Variants in USH1G observed in about 807,000 individuals in gnomAD.
USH1G encodes USH1 protein network component sans.
USH1G carries 27 observed loss-of-function variants against 31.9 expected under a neutral mutation model. The observed-to-expected ratio is 0.85, with a 90% CI of 0.62 to 1.17. The LOEUF (loss-of-function observed/expected upper bound fraction) is 1.17. Among genes scored for constraint, USH1G ranks in the 50% most tolerant of loss-of-function variants. The pLI, the probability that USH1G is intolerant of heterozygous loss-of-function variation, is 0.00. For missense variants in USH1G, 674 were observed against 638.9 expected (o/e 1.05, Z -0.59); for synonymous variants, 266 against 283.2 (o/e 0.94, Z 0.61).
Position 74,919,337 on chromosome 17 carries a change from A to G in USH1G, c.1382+117T>C. The G allele has an allele frequency of 7.0e-7, 1 of 1,435,514 alleles. No individual in the cohort carries two copies. The highest frequency in any genetic ancestry group is 9.2e-7 in the Non-Finnish European group (1 of 1,092,032). 88.9% of individuals were successfully genotyped at this position (1,435,514 alleles called of 1,614,324 possible). On this transcript the variant is annotated intron_variant, in intron 2 of 2. Coordinates refer to ENST00000614341, the MANE Select transcript of USH1G (RefSeq NM_173477.5). This position sits in a 1 kb window ranked among gnomAD's most constrained non-coding sequence, Gnocchi z 4.5. ...TTTTATCATCGATGGCCTCATTTCG[A>G]TTTTATGAAATACAGTATCCCCCAC...
At position 74,921,761 on chromosome 17, in the gene USH1G, C is replaced by G. The variant is rs183398026; in HGVS notation, c.165-1090G>C. ...AAGGGGAGCCCTCTTCCCCTCCTCT[C>G]ATGAGCCTCTCTGAAGGGATGGCAG... On this transcript the variant is annotated intron_variant, in intron 1 of 2. Transcript: ENST00000614341. This position sits in a 1 kb window ranked among gnomAD's most constrained non-coding sequence, Gnocchi z 4.6. 3.3e-5 allele frequency among the ~76,000 whole-genome samples: 5 copies of G among 152,320 alleles called. No individual in the cohort carries two copies. The highest frequency in any genetic ancestry group is 3.9e-4 in the East Asian group (2 of 5,174).
rs776330616 is a variant in USH1G at position 74,919,688 on chromosome 17, T to A, written c.1148A>T (p.Glu383Val). The part of the protein sequence containing the change: ...PWDELDLGLD[E>V]DLEPETSPLE... Reference sequence around the variant, plus strand: ...CGGGCTAGTCTCGGGCTCCAGGTCCTCGTCCAAGCCTAAATCGAGCTCATC... The same window carrying A: ...CGGGCTAGTCTCGGGCTCCAGGTCCACGTCCAAGCCTAAATCGAGCTCATC... Residue 383 changes from glutamate to valine, a missense_variant, in exon 2 of 3, where the codon GAG (glutamate) becomes GTG (valine). Glu to Val is a moderately radical substitution (Grantham distance 121). Transcript: ENST00000614341. The surrounding 1 kb of genome is among the most constrained non-coding windows in gnomAD (Gnocchi z 4.5). 6 of 1,612,850 alleles carry A rather than the reference T, an allele frequency of 3.7e-6. No homozygotes were observed. In the East Asian group the frequency reaches 1.3e-4, roughly 36 times the overall value.
chr17:74,920,079 C>G lies in USH1G; in HGVS notation c.757G>C (p.Val253Leu), dbSNP rs746860881. Residue 253 changes from valine to leucine, a missense_variant, in exon 2 of 3, where the codon GTG becomes CTG. Coordinates refer to ENST00000614341, the MANE Select transcript of USH1G (RefSeq NM_173477.5). This position sits in a 1 kb window ranked among gnomAD's most constrained non-coding sequence, Gnocchi z 5.2. ...TAGGTGCCCTGGCGCACGAACATCA[C>G]GTCGCTGCCCAGCTGCAGGCCCGAG... Reference protein sequence around the residue: ...SLSGLQLGSDVMFVRQGTYAN... With the variant: ...SLSGLQLGSDLMFVRQGTYAN... The G allele has an allele frequency of 6.2e-7, 1 of 1,606,214 alleles. No individual in the cohort carries two copies. The highest frequency in any genetic ancestry group is 8.5e-7 in the Non-Finnish European group (1 of 1,179,458).
Position 74,920,987 on chromosome 17 carries a change from A to G in USH1G, c.165-316T>C, listed in dbSNP as rs1479629751. 6.6e-6 allele frequency among the ~76,000 whole-genome samples: 1 copy of G among 152,088 alleles called. No homozygotes were observed. Among genetic ancestry groups the G allele is most frequent in the Non-Finnish European group, 1.5e-5 (1 of 68,002 alleles). Reference sequence around the variant, plus strand: ...GGATGAATATTTGATGCCCTGAGAGAAGGGAGTAAATTATTGATGGGGCCC... The same window carrying G: ...GGATGAATATTTGATGCCCTGAGAGGAGGGAGTAAATTATTGATGGGGCCC... On this transcript the variant is annotated intron_variant, in intron 1 of 2. Coordinates refer to ENST00000614341, the MANE Select transcript of USH1G (RefSeq NM_173477.5). The surrounding 1 kb of genome is among the most constrained non-coding windows in gnomAD (Gnocchi z 5.2).
chr17:74,918,182 G>A lies in USH1G; in HGVS notation c.1383-106C>T, dbSNP rs1371374167. The A allele has an allele frequency of 6.7e-7, 1 of 1,502,348 alleles. No homozygotes were observed. Among genetic ancestry groups the A allele is most frequent in the Non-Finnish European group, 9.1e-7 (1 of 1,095,920 alleles). The allele number at this position is 1,502,348 out of a possible 1,614,324, so 93.1% of individuals were successfully genotyped here. On this transcript the variant is annotated intron_variant, in intron 2 of 2. Coordinates refer to ENST00000614341, the MANE Select transcript of USH1G (RefSeq NM_173477.5). The surrounding 1 kb of genome is among the most constrained non-coding windows in gnomAD (Gnocchi z 4.1). Reference sequence around the variant, plus strand: ...GACAACTTAGCCTCCCCATCTCTCGGCAGGCCAATTGTCAGGGATGGGGGA... The same window carrying A: ...GACAACTTAGCCTCCCCATCTCTCGACAGGCCAATTGTCAGGGATGGGGGA...
rs1289073343 is a variant in USH1G, at chr17:74,920,002, C to G, written c.834G>C (p.Ser278=). ...GRAPLRDMFL[S]DEDSVSRATL... is the part of the protein sequence containing the mutation. ...TGGCACGGGAGACGCTGTCCTCGTCCGAGAGGAACATGTCCCGGAGCGGGG... is the reference window on the plus strand; with the variant it reads ...TGGCACGGGAGACGCTGTCCTCGTCGGAGAGGAACATGTCCCGGAGCGGGG... Residue 278 remains serine, a synonymous_variant, in exon 2 of 3, where the codon TCG becomes TCC. Transcript: ENST00000614341. This position sits in a 1 kb window ranked among gnomAD's most constrained non-coding sequence, Gnocchi z 5.2. The G allele has an allele frequency of 6.2e-7, 1 of 1,612,312 alleles. No homozygotes were observed. The highest frequency in any genetic ancestry group is 1.3e-5 in the African/African-American group (1 of 75,046).
At position 74,919,389 on chromosome 17, in the gene USH1G, T is replaced by C; in HGVS notation, c.1382+65A>G. The C allele has an allele frequency of 2.6e-6, 4 of 1,514,502 alleles. No homozygotes were observed. The highest frequency in any genetic ancestry group is 3.5e-6 in the Non-Finnish European group (4 of 1,132,310). The allele number at this position is 1,514,502 out of a possible 1,614,324, so 93.8% of individuals were successfully genotyped here. On this transcript the variant is annotated intron_variant, in intron 2 of 2. Transcript: ENST00000614341. This position sits in a 1 kb window ranked among gnomAD's most constrained non-coding sequence, Gnocchi z 4.5. ...CCCTACTCCTGAATAGGCAGATCTGTACCCCCTCCCCAGGGGCCTTCCAAC... is the reference window on the plus strand; with the variant it reads ...CCCTACTCCTGAATAGGCAGATCTGCACCCCCTCCCCAGGGGCCTTCCAAC...
rs2038887281 is a variant in USH1G at position 74,917,940 on chromosome 17, A to G, written c.*133T>C. On this transcript the variant is annotated 3_prime_UTR_variant, in exon 3 of 3. Transcript: ENST00000614341. ...AGCTTCAAGGTGCAGACAGACTTTC[A>G]AAGGAGTCGCCCCAACTGGTCCTTG... The G allele has an allele frequency of 1.7e-6, 2 of 1,188,966 alleles. No individual in the cohort carries two copies. The allele number at this position is 1,188,966 out of a possible 1,614,324, so 73.7% of individuals were successfully genotyped here.
chr17:74,920,218 C>T lies in USH1G; in HGVS notation c.618G>A (p.Leu206=), dbSNP rs756830882. 2.5e-6 allele frequency: 4 copies of T among 1,602,856 alleles called. No homozygotes were observed. The South Asian group carries it at 4.4e-5, about 18-fold the overall frequency. ...TGGTCTTGCCCCTGGCCGTGCCGTG[C>T]AGCGTGGCCTGAGAGTACGGCAGGT... is the stretch of plus-strand genomic sequence containing the variant. ...GSHLPYSQAT[L]HGTARGKTKM... Residue 206 remains leucine, a synonymous_variant, in exon 2 of 3, where the codon CTG becomes CTA. Transcript: ENST00000614341. This position sits in a 1 kb window ranked among gnomAD's most constrained non-coding sequence, Gnocchi z 5.2.
In USH1G at chr17:74,918,930, A is replaced by T. The variant is rs1365256235; in HGVS notation, c.1382+524T>A. Among the ~76,000 whole-genome samples the T allele has an allele frequency of 1.3e-5, 2 of 152,152 alleles. No individual in the cohort carries two copies. The highest frequency in any genetic ancestry group is 2.9e-5 in the Non-Finnish European group (2 of 68,038). On this transcript the variant is annotated intron_variant, in intron 2 of 2. Coordinates refer to ENST00000614341, the MANE Select transcript of USH1G (RefSeq NM_173477.5). The surrounding 1 kb of genome is among the most constrained non-coding windows in gnomAD (Gnocchi z 4.1). ...GGCTCTAAAGCCATGCAGACCAGGGATCAAGCCTAGCTCCATGCTGAGCAG... is the reference window on the plus strand; with the variant it reads ...GGCTCTAAAGCCATGCAGACCAGGGTTCAAGCCTAGCTCCATGCTGAGCAG...
Position 74,920,191 on chromosome 17 carries a change from CT to C in USH1G, c.644del (p.Lys215ArgfsTer39), listed in dbSNP as rs1567940040. 1.2e-6 allele frequency: 2 copies of C among 1,602,398 alleles called. No homozygotes were observed. The highest frequency in any genetic ancestry group is 1.7e-6 in the Non-Finnish European group (2 of 1,179,834). ...TLHGTARGKTKMQKKLERRKQ... is the reference protein window; with the variant it reads ...TLHGTARGKTXMQKKLERRKQ... ...TGCGCCGCTCCAGCTTCTTCTGCAT[CT>C]TGGTCTTGCCCCTGGCCGTGCCGTG... On this transcript the variant is annotated frameshift_variant, in exon 2 of 3. Coordinates refer to ENST00000614341, the MANE Select transcript of USH1G (RefSeq NM_173477.5). LOFTEE classifies it high-confidence loss of function. This position sits in a 1 kb window ranked among gnomAD's most constrained non-coding sequence, Gnocchi z 5.2.
At position 74,921,648 on chromosome 17, in the gene USH1G, C is replaced by T. The variant is rs534632460; in HGVS notation, c.165-977G>A. Among the ~76,000 whole-genome samples the T allele has an allele frequency of 6.6e-6, 1 of 152,282 alleles. No individual in the cohort carries two copies. Among genetic ancestry groups the T allele is most frequent in the African/African-American group, 2.4e-5 (1 of 41,550 alleles). ...CCTCCTGGCCGCCAAGTCCTGCAGG[C>T]CAGTGTGGGAAGGACCTGCCAGCAC... On this transcript the variant is annotated intron_variant, in intron 1 of 2. Coordinates refer to ENST00000614341, the MANE Select transcript of USH1G (RefSeq NM_173477.5). This position sits in a 1 kb window ranked among gnomAD's most constrained non-coding sequence, Gnocchi z 4.6.
At position 74,919,299 on chromosome 17, in the gene USH1G, A is replaced by G. The variant is rs2038900334; in HGVS notation, c.1382+155T>C. 6.6e-6 allele frequency among the ~76,000 whole-genome samples: 1 copy of G among 152,124 alleles called. No individual in the cohort carries two copies. The highest frequency in any genetic ancestry group is 1.9e-4 in the East Asian group (1 of 5,198). On this transcript the variant is annotated intron_variant, in intron 2 of 2. Transcript: ENST00000614341. This position sits in a 1 kb window ranked among gnomAD's most constrained non-coding sequence, Gnocchi z 4.5. The stretch of plus-strand genomic sequence containing the variant: ...TCTTTTTCTGAGCTGGTGGTAAATA[A>G]AATAAGGGTGCCTTTTATCATCGAT...
Position 74,919,482 on chromosome 17 carries a change from GCT to G in USH1G, c.1352_1353del (p.Glu451AlafsTer87). The G allele has an allele frequency of 3.1e-6, 5 of 1,608,346 alleles. No individual in the cohort carries two copies. The highest frequency in any genetic ancestry group is 3.4e-6 in the Non-Finnish European group (4 of 1,178,404). On this transcript the variant is annotated frameshift_variant, in exon 2 of 3. Coordinates refer to ENST00000614341, the MANE Select transcript of USH1G (RefSeq NM_173477.5). LOFTEE classifies it high-confidence loss of function. This position sits in a 1 kb window ranked among gnomAD's most constrained non-coding sequence, Gnocchi z 4.5. ...GAVRRRRQAMERPPALEDTEL is the reference protein window; with the variant it reads ...GAVRRRRQAMXRPPALEDTEL ...TCTGTGTCCTCCAGGGCCGGCGGGC[GCT>G]CCATCGCCTGCCGCCGCCTCCTCAC...
In USH1G at chr17:74,919,368, A is replaced by G; in HGVS notation, c.1382+86T>C. On this transcript the variant is annotated intron_variant, in intron 2 of 2. Coordinates refer to ENST00000614341, the MANE Select transcript of USH1G (RefSeq NM_173477.5). This position sits in a 1 kb window ranked among gnomAD's most constrained non-coding sequence, Gnocchi z 4.5. ...TGAAATACAGTATCCCCCACCCCCT[A>G]CTCCTGAATAGGCAGATCTGTACCC... 3 of 856,852 alleles carry G rather than the reference A, an allele frequency of 3.5e-6. No homozygotes were observed. Among genetic ancestry groups the G allele is most frequent in the African/African-American group, 2.2e-5 (1 of 44,822 alleles). The allele number at this position is 856,852 out of a possible 1,614,324, so 53.1% of individuals were successfully genotyped here. A position where few individuals can be genotyped will look rare whatever the true frequency, so the allele number is the denominator to read the frequency against.
At position 74,920,556 on chromosome 17, in the gene USH1G, G is replaced by A. The variant is rs771517713; in HGVS notation, c.280C>T (p.Leu94=). 6.2e-7 allele frequency: 1 copy of A among 1,613,800 alleles called. No individual in the cohort carries two copies. The highest frequency in any genetic ancestry group is 8.5e-7 in the Non-Finnish European group (1 of 1,180,042). The change falls in exon 2 of 3, where the codon CTA becomes TTA. Residue 94 remains leucine (L), a synonymous_variant. Coordinates refer to ENST00000614341, the MANE Select transcript of USH1G (RefSeq NM_173477.5). This position sits in a 1 kb window ranked among gnomAD's most constrained non-coding sequence, Gnocchi z 5.2. ...LVSFGANIWC[L]DNDYHTPLDM... ...AGCGGCGTGTGGTAGTCGTTGTCTAGGCACCAGATGTTGGCTCCGAAGGAC... is the reference window on the plus strand; with the variant it reads ...AGCGGCGTGTGGTAGTCGTTGTCTAAGCACCAGATGTTGGCTCCGAAGGAC...
At position 74,919,992 on chromosome 17, in the gene USH1G, T is replaced by C. The variant is rs759374488; in HGVS notation, c.844A>G (p.Ser282Gly). ...GCCGCCAGCGTGGCACGGGAGACGC[T>C]GTCCTCGTCCGAGAGGAACATGTCC... The part of the protein sequence containing the change: ...LRDMFLSDED[S>G]VSRATLAAEP... Residue 282 changes from serine (S) to glycine (G), a missense_variant, in exon 2 of 3, where the codon AGC (serine) becomes GGC (glycine). Ser to Gly is a moderately conservative substitution (Grantham distance 56). Coordinates refer to ENST00000614341, the MANE Select transcript of USH1G (RefSeq NM_173477.5). The surrounding 1 kb of genome is among the most constrained non-coding windows in gnomAD (Gnocchi z 4.5). 1 of 1,612,144 alleles carries C rather than the reference T, an allele frequency of 6.2e-7. No homozygotes were observed. Among genetic ancestry groups the C allele is most frequent in the African/African-American group, 1.3e-5 (1 of 74,914 alleles).
rs1329441112 is a variant in USH1G, at chr17:74,919,985, G to A, written c.851C>T (p.Ser284Phe). The change falls in exon 2 of 3, where the codon TCC becomes TTC. Residue 284 changes from serine (S) to phenylalanine (F), a missense_variant. Coordinates refer to ENST00000614341, the MANE Select transcript of USH1G (RefSeq NM_173477.5). The surrounding 1 kb of genome is among the most constrained non-coding windows in gnomAD (Gnocchi z 4.5). ...AGGCTCGGCCGCCAGCGTGGCACGGGAGACGCTGTCCTCGTCCGAGAGGAA... is the reference window on the plus strand; with the variant it reads ...AGGCTCGGCCGCCAGCGTGGCACGGAAGACGCTGTCCTCGTCCGAGAGGAA... ...DMFLSDEDSV[S>F]RATLAAEPAH... 10 of 1,612,174 alleles carry A rather than the reference G, an allele frequency of 6.2e-6. No homozygotes were observed. In the South Asian group the frequency reaches 1.1e-4, roughly 18 times the overall value.
Position 74,919,872 on chromosome 17 carries a change from A to G in USH1G, c.964T>C (p.Leu322=). Residue 322 remains leucine, a synonymous_variant, in exon 2 of 3, where the codon TTG becomes CTG. Transcript: ENST00000614341. The surrounding 1 kb of genome is among the most constrained non-coding windows in gnomAD (Gnocchi z 4.5). ...CCCAGTCCGTGCAGCCCACTGCTCA[A>G]GTAATTTCTGCGGAACACCATGGTG... ...LGTMVFRRNY[L]SSGLHGLGRE... is the part of the protein sequence containing the mutation. 6.2e-7 allele frequency: 1 copy of G among 1,613,210 alleles called. No individual in the cohort carries two copies. Among genetic ancestry groups the G allele is most frequent in the Non-Finnish European group, 8.5e-7 (1 of 1,179,940 alleles).
Sources: allele counts gnomAD v4.1 joint callset (sites outside exome capture counted in the v4.1 genomes callset), GRCh38; gene constraint gnomAD v4.1.1; non-coding constraint Gnocchi (gnomAD v3.1); transcripts MANE v1.5; gene names NCBI Gene and HGNC (gene_info 2026-07-23, HGNC 2026-07-21).